Variants in EVC observed in about 807,000 individuals in gnomAD.
EVC encodes evC complex member EVC.
A neutral mutation model predicts 118.9 loss-of-function variants in EVC; 116 were observed. The ratio of observed to expected loss-of-function variants is 0.98; its 90% CI spans 0.84 to 1.14. The LOEUF (loss-of-function observed/expected upper bound fraction) is 1.14. Among genes scored for constraint, EVC ranks in the 50% most tolerant of loss-of-function variants. EVC has a pLI of 0.00. For synonymous variants in EVC, 619 were observed against 534.7 expected (o/e 1.16, Z -2.18); for missense variants, 1,401 against 1,246.4 (o/e 1.12, Z -1.87).
In EVC at chr4:5,748,213, C is replaced by T. The variant is rs895165309; in HGVS notation, c.1005C>T (p.Ser335=). The change falls in exon 8 of 21, where the codon TCC becomes TCT. Residue 335 remains serine (S), a synonymous_variant. Coordinates refer to ENST00000264956, the MANE Select transcript of EVC (RefSeq NM_153717.3). ...QHFLVDQFKC[S]SSKARQLMMT... ...TTCTTGTGGACCAGTTTAAGTGTTC[C>T]AGCTCCAAAGCCCGACAGCTGATGA... 6.2e-7 allele frequency: 1 copy of T among 1,614,156 alleles called. No individual in the cohort carries two copies. Among genetic ancestry groups the T allele is most frequent in the Admixed American group, 1.7e-5 (1 of 60,024 alleles).
chr4:5,741,630 G>T, intron 5 of EVC, 86 bp from the exon 6 acceptor site: 1 of 745,972 alleles, frequency 1.3e-6, no homozygotes, highest in Non-Finnish European at 2.4e-6. Context: ...AGTGGGGGAG[G>T]GAGGGAGAAG....
chr4:5,766,154 C>G (rs1360312320), intron 11 of EVC, among the ~76,000 whole-genome samples: 2 of 148,910 alleles, frequency 1.3e-5, no homozygotes, highest in African/African-American at 5.0e-5. Context: ...ATTTCTCCAT[C>G]ACTTATGAAG....
intron 11 of EVC, among the ~76,000 whole-genome samples, chr4:5,779,198 A>G (rs1225835271): frequency 2.0e-5 from 3 of 151,500 alleles, no homozygotes; most frequent in Non-Finnish European, 4.4e-5. Context: ...CCATTGATCT[A>G]TATCTCTGTT....
intron 11 of EVC, among the ~76,000 whole-genome samples, chr4:5,782,054 A>G (rs972825498): frequency 3.9e-5 from 6 of 152,034 alleles, no homozygotes; most frequent in Non-Finnish European, 7.4e-5. Context: ...CTTGACCTGT[A>G]AAGTTCCATG....
At chr4:5,828,784 T>A in the EVC span, 13 of 1,218,682 alleles carry the variant, frequency 1.1e-5, no homozygotes, top group Non-Finnish European at 1.5e-5. Flanking sequence ...TTTTTTTTTC[T>A]CTCTAAAAAT....
At chr4:5,768,746 A>C (rs891888815) in intron 11 of EVC, among the ~76,000 whole-genome samples, 1 of 150,892 alleles carries the variant, frequency 6.6e-6, no homozygotes, top group Non-Finnish European at 1.5e-5. Flanking sequence ...TATCCCAGCT[A>C]CTCGGGAGGC....
chr4:5,797,564 T>A (rs1293772362), intron 14 of EVC, among the ~76,000 whole-genome samples: 1 of 152,154 alleles, frequency 6.6e-6, no homozygotes. Flanking sequence ...CCATCTCTTA[T>A]AAGGACACCA....
At chr4:5,752,632 C>G (rs186458165) in intron 8 of EVC, 241 of 658,914 alleles carry the variant, frequency 3.7e-4, no homozygotes, top group African/African-American at 3.4e-3. Context: ...TCCCCGCACC[C>G]TAGGAGAGAC....
Position 5,800,277 on chromosome 4 carries a change from G to A in EVC, c.2304+1485G>A, listed in dbSNP as rs549778869. 1.5e-4 allele frequency among the ~76,000 whole-genome samples: 23 copies of A among 152,256 alleles called. 1 individual carries two copies. Among genetic ancestry groups the A allele is most frequent in the Middle Eastern group, 6.8e-3 (2 of 294 alleles). On this transcript the variant is annotated intron_variant, in intron 15 of 20. Transcript: ENST00000264956. ...GCAGACTCACTTGAATCTGGGAGGC[G>A]GAGGTTGCAGTGAGCCAAGATCACA...
chr4:5,804,756 C>A lies in EVC; in HGVS notation c.2476C>A (p.Arg826=). ...TGAGAGGATGGAAAATTACAAACTG[C>A]GGAAAAAGCAAGAACTCAGCAACCC... ...QGERMENYKL[R]KKQELSNPSS... is the part of the protein sequence containing the mutation. The change falls in exon 17 of 21, where the codon CGG becomes AGG. Residue 826 remains arginine, a synonymous_variant. Transcript: ENST00000264956. The A allele has an allele frequency of 6.2e-7, 1 of 1,614,114 alleles. No individual in the cohort carries two copies. Among genetic ancestry groups the A allele is most frequent in the Non-Finnish European group, 8.5e-7 (1 of 1,180,028 alleles).
At chr4:5,769,945 G>T (rs999930423) in intron 11 of EVC, among the ~76,000 whole-genome samples, 4 of 152,086 alleles carry the variant, frequency 2.6e-5, no homozygotes, top group Non-Finnish European at 5.9e-5. Context: ...TCCCCCTCAG[G>T]CTCTTTAACT....
chr4:5,736,795 T>C (rs1480984492), intron 5 of EVC, among the ~76,000 whole-genome samples: 1 of 152,218 alleles, frequency 6.6e-6, no homozygotes, highest in Non-Finnish European at 1.5e-5. Flanking sequence ...CTCCACCAAC[T>C]GGCCATTCCC....
intron 12 of EVC, 172 bp from the exon 13 acceptor site, chr4:5,793,436 A>T: frequency 1.5e-6 from 1 of 677,134 alleles, no homozygotes; most frequent in Non-Finnish European, 2.6e-6. Flanking sequence ...CAAATAGGAA[A>T]GATTTTAAGG....
chr4:5,790,180 C>CAA (rs35158259), intron 12 of EVC, among the ~76,000 whole-genome samples: 43,469 of 112,070 alleles, frequency 0.39, 9,425 homozygotes, highest in South Asian at 0.64. Flanking sequence ...GACTCCATCT[C>CAA]AAAAAAAAAA....
At position 5,742,581 on chromosome 4, in the gene EVC, C is replaced by T. The variant is rs1220884143; in HGVS notation, c.801+767C>T. ...ACATCATCATTCTTTGTCTTTACCA[C>T]CATCATCATCATCCTCATGACCGCT... On this transcript the variant is annotated intron_variant, in intron 6 of 20. Transcript: ENST00000264956. The surrounding 1 kb of genome is among the most constrained non-coding windows in gnomAD (Gnocchi z 5.2). Among the ~76,000 whole-genome samples, 2 of 152,170 alleles carry T rather than the reference C, an allele frequency of 1.3e-5. No homozygotes were observed. The highest frequency in any genetic ancestry group is 4.1e-4 in the South Asian group (2 of 4,826).
Position 5,719,283 on chromosome 4 carries a change from G to A in EVC, c.210G>A (p.Glu70=). 3 of 1,614,194 alleles carry A rather than the reference G, an allele frequency of 1.9e-6. No individual in the cohort carries two copies. Among genetic ancestry groups the A allele is most frequent in the Non-Finnish European group, 2.5e-6 (3 of 1,180,050 alleles). The part of the protein sequence containing the change: ...DDTQNLLKNL[E]SNAQTPSETG... ...CTCAAAATCTGCTCAAGAATTTGGA[G>A]TCTAATGCGCAGACCCCCTCGGAAA... is the stretch of plus-strand genomic sequence containing the variant. Residue 70 remains glutamate, a synonymous_variant, in exon 2 of 21, where the codon GAG becomes GAA. Coordinates refer to ENST00000264956, the MANE Select transcript of EVC (RefSeq NM_153717.3). The surrounding 1 kb of genome is among the most constrained non-coding windows in gnomAD (Gnocchi z 4.7).
In EVC at chr4:5,754,062, G is replaced by T. The variant is rs1475091780; in HGVS notation, c.1464+129G>T. ...TCTGCCTACTTCCCATGTGTCAGCCGAGTGACCGAATCTCAGTCCCTTAGC... is the reference window on the plus strand; with the variant it reads ...TCTGCCTACTTCCCATGTGTCAGCCTAGTGACCGAATCTCAGTCCCTTAGC... On this transcript the variant is annotated intron_variant, in intron 10 of 20. Transcript: ENST00000264956. The surrounding 1 kb of genome is among the most constrained non-coding windows in gnomAD (Gnocchi z 5.8). The T allele has an allele frequency of 2.5e-6, 3 of 1,220,430 alleles. No individual in the cohort carries two copies. In the Admixed American group the frequency reaches 5.7e-5, roughly 23 times the overall value. The allele number at this position is 1,220,430 out of a possible 1,614,324, so 75.6% of individuals were successfully genotyped here.
At position 5,803,712 on chromosome 4, in the gene EVC, A is replaced by G. The variant is rs533800556; in HGVS notation, c.2450-1018A>G. Among the ~76,000 whole-genome samples the G allele has an allele frequency of 2.1e-4, 32 of 152,254 alleles. No individual in the cohort carries two copies. The South Asian group carries it at 5.2e-3, about 25-fold the overall frequency. ...GTTTTATTTAAGAGTTGTACATGCT[A>G]TGTCCCCAGAGGCTATCCAGGTTCA... On this transcript the variant is annotated intron_variant, in intron 16 of 20. Coordinates refer to ENST00000264956, the MANE Select transcript of EVC (RefSeq NM_153717.3).
rs1463491271 is a variant in EVC, at chr4:5,756,223, CTG to C, written c.1465-40_1465-39del. The C allele has an allele frequency of 2.7e-6, 4 of 1,486,536 alleles. No individual in the cohort carries two copies. Among genetic ancestry groups the C allele is most frequent in the South Asian group, 1.2e-5 (1 of 83,690 alleles). 92.1% of individuals were successfully genotyped at this position (1,486,536 alleles called of 1,614,324 possible). A position where few individuals can be genotyped will look rare whatever the true frequency, so the allele number is the denominator to read the frequency against. On this transcript the variant is annotated intron_variant, in intron 10 of 20. Coordinates refer to ENST00000264956, the MANE Select transcript of EVC (RefSeq NM_153717.3). The surrounding 1 kb of genome is among the most constrained non-coding windows in gnomAD (Gnocchi z 4.2). ...CCTTCTGGAAAAAAAAAAAAAAACC[CTG>C]CATGTTTCTACCAGACTCAGCTCTT...
Sources: gnomAD v4.1 joint callset for allele counts (sites outside exome capture counted in the v4.1 genomes callset) on GRCh38, gnomAD v4.1.1 for gene constraint, Gnocchi (gnomAD v3.1) non-coding constraint, MANE v1.5 for transcripts, NCBI Gene and HGNC (gene_info 2026-07-23, HGNC 2026-07-21) for gene names.